PARP15: variants seen among roughly 807,000 people sequenced by gnomAD.
PARP15 encodes poly(ADP-ribose) polymerase family member 15, also known as protein mono-ADP-ribosyltransferase PARP15.
A neutral mutation model predicts 62.1 loss-of-function variants in PARP15; 50 were observed. The ratio of observed to expected loss-of-function variants is 0.81; its 90% CI spans 0.64 to 1.02. The LOEUF (loss-of-function observed/expected upper bound fraction) is 1.02. Ranked by LOEUF, PARP15 falls within the 50% of genes least tolerant of loss-of-function variation. PARP15 has a pLI of 0.00. For synonymous variants in PARP15, 309 were observed against 293.1 expected (o/e 1.05, Z -0.55); for missense variants, 820 against 826.5 (o/e 0.99, Z 0.10).
chr3:122,617,074 A>G lies in PARP15; in HGVS notation c.910A>G (p.Ile304Val). The part of the protein sequence containing the change: ...FTAYEMKIGA[I>V]TFQVATGDIA... ...AGCATATGAAATGAAAATCGGTGCAATTACTTTTCAGGTTGCTACTGGAGA... is the reference window on the plus strand; with the variant it reads ...AGCATATGAAATGAAAATCGGTGCAGTTACTTTTCAGGTTGCTACTGGAGA... Residue 304 changes from isoleucine (I) to valine (V), a missense_variant, in exon 6 of 12, where the codon ATT (isoleucine) becomes GTT (valine). Ile to Val is a conservative substitution (Grantham distance 29, BLOSUM62 3). This residue lies in a region of PARP15 where 731 missense variants were observed against 727.7 expected (regional missense o/e 1.00). Coordinates refer to ENST00000464300, the MANE Select transcript of PARP15 (RefSeq NM_001113523.3). 4 of 1,614,096 alleles carry G rather than the reference A, an allele frequency of 2.5e-6. No individual in the cohort carries two copies. Among genetic ancestry groups the G allele is most frequent in the East Asian group, 2.2e-5 (1 of 44,884 alleles).
At chr3:122,606,307 T>C (rs1935157995) in intron 2 of PARP15, among the ~76,000 whole-genome samples, 1 of 152,182 alleles carries the variant, frequency 6.6e-6, no homozygotes, top group Non-Finnish European at 1.5e-5. Context: ...TCTATCTCTT[T>C]TATTTCTCTG....
At chr3:122,616,967 T>C (rs1936014731) in intron 5 of PARP15, 48 bp from the exon 6 acceptor site, 1 of 1,596,066 alleles carries the variant, frequency 6.3e-7, no homozygotes, top group Non-Finnish European at 8.6e-7. Context: ...GTGCTGTTCC[T>C]CCAGAAGCTG....
At chr3:122,606,091 A>T (rs976829527) in intron 2 of PARP15, 36 bp downstream of exon 2, 1 of 1,539,438 alleles carries the variant, frequency 6.5e-7, no homozygotes, top group African/African-American at 1.4e-5. Flanking sequence ...ACCAAGGAAC[A>T]GTGGGATCTA....
At chr3:122,634,369 C>A (rs1304451716) in intron 10 of PARP15, among the ~76,000 whole-genome samples, 1 of 152,148 alleles carries the variant, frequency 6.6e-6, no homozygotes, top group Non-Finnish European at 1.5e-5. Context: ...AAACTTGATT[C>A]ATAGAGATGT....
At chr3:122,614,527 A>G (rs1177761789) in intron 4 of PARP15, among the ~76,000 whole-genome samples, 2 of 152,168 alleles carry the variant, frequency 1.3e-5, no homozygotes, top group Non-Finnish European at 2.9e-5. Context: ...TTACCCCCAA[A>G]GGTTCTTAGT....
At chr3:122,601,857 C>A (rs1173574652) in intron 1 of PARP15, among the ~76,000 whole-genome samples, 1 of 152,154 alleles carries the variant, frequency 6.6e-6, no homozygotes, top group African/African-American at 2.4e-5. Flanking sequence ...TGCCTGTCTT[C>A]CAAAGTGGCT....
chr3:122,619,937 G>T, intron 7 of PARP15, 94 bp downstream of exon 7: 1 of 1,207,542 alleles, frequency 8.3e-7, no homozygotes, highest in Non-Finnish European at 1.2e-6. Context: ...GGTGGAGTAA[G>T]TAGCGAGCAA....
intron 1 of PARP15, among the ~76,000 whole-genome samples, chr3:122,604,704 A>G (rs1362486953): frequency 2.0e-5 from 3 of 152,162 alleles, no homozygotes; most frequent in Admixed American, 2.0e-4. Context: ...TTGTAAAGAT[A>G]CAAAAAATTA....
In PARP15 at chr3:122,615,408, CA is replaced by C. The variant is rs1487479359; in HGVS notation, c.772-368del. ...TGTTGCCCTGCCCCCTGCTCACCTA[CA>C]AATACTCTACACTTCCCTCAGCCTA... On this transcript the variant is annotated intron_variant, in intron 4 of 11. Coordinates refer to ENST00000464300, the MANE Select transcript of PARP15 (RefSeq NM_001113523.3). 9 of 1,292,432 alleles carry C rather than the reference CA, an allele frequency of 7.0e-6. No individual in the cohort carries two copies. The Admixed American group carries it at 2.1e-4, about 30-fold the overall frequency. 80.1% of individuals were successfully genotyped at this position (1,292,432 alleles called of 1,614,324 possible). A position where few individuals can be genotyped will look rare whatever the true frequency, so the allele number is the denominator to read the frequency against.
Position 122,635,966 on chromosome 3 carries a change from C to G in PARP15, c.1903C>G (p.Pro635Ala). The G allele has an allele frequency of 6.2e-7, 1 of 1,614,098 alleles. No homozygotes were observed. Among genetic ancestry groups the G allele is most frequent in the Non-Finnish European group, 8.5e-7 (1 of 1,180,004 alleles). ...FTKGRAGLVT[P>A]PPKNPHNPTD... ...AAAGGGACGTGCAGGATTAGTCACC[C>G]CTCCACCCAAGAATCCTCACAATCC... The change falls in exon 12 of 12, where the codon CCT becomes GCT. Residue 635 changes from proline to alanine, a missense_variant. Around this residue, in one of 3 missense-constraint regions of PARP15, gnomAD observed 84 missense variants for 79.7 expected, o/e 1.05. Transcript: ENST00000464300.
intron 3 of PARP15, among the ~76,000 whole-genome samples, chr3:122,612,494 T>G (rs1935640587): frequency 6.6e-6 from 1 of 152,036 alleles, no homozygotes; most frequent in Non-Finnish European, 1.5e-5. Context: ...TGGAGTACAG[T>G]GGCGCAATCT....
chr3:122,598,140 A>C (rs1163722152), intron 1 of PARP15, among the ~76,000 whole-genome samples: 2 of 152,190 alleles, frequency 1.3e-5, no homozygotes, highest in African/African-American at 4.8e-5. Flanking sequence ...TTTGCTAAAA[A>C]GGATTAGGGG....
intron 1 of PARP15, among the ~76,000 whole-genome samples, chr3:122,584,483 T>C (rs1361874893): frequency 6.6e-6 from 1 of 151,998 alleles, no homozygotes; most frequent in Non-Finnish European, 1.5e-5. Flanking sequence ...AATGAAAAAA[T>C]ACCTACAAAG....
intron 9 of PARP15, among the ~76,000 whole-genome samples, chr3:122,630,393 T>C (rs886655846): frequency 7.2e-5 from 11 of 152,146 alleles, no homozygotes; most frequent in African/African-American, 2.4e-4. Context: ...CTTATTAATA[T>C]ACAAATACCA....
intron 1 of PARP15, among the ~76,000 whole-genome samples, chr3:122,582,480 A>G (rs975541472): frequency 6.6e-6 from 1 of 152,216 alleles, no homozygotes; most frequent in Non-Finnish European, 1.5e-5. Context: ...CCCAGCATGA[A>G]TGACATTTTC....
chr3:122,596,389 G>A (rs894262511), intron 1 of PARP15, among the ~76,000 whole-genome samples: 43 of 119,734 alleles, frequency 3.6e-4, no homozygotes, highest in Non-Finnish European at 1.7e-4. Context: ...AAGCATAAAC[G>A]TAACATGTCC....
intron 1 of PARP15, among the ~76,000 whole-genome samples, chr3:122,595,790 C>T (rs1287558784): frequency 6.6e-6 from 1 of 152,202 alleles, no homozygotes; most frequent in Non-Finnish European, 1.5e-5. Context: ...GCCTTGGCCT[C>T]CCAAAGTGTT....
At chr3:122,578,216 T>C (rs1279831187) in intron 1 of PARP15, among the ~76,000 whole-genome samples, 7 of 152,102 alleles carry the variant, frequency 4.6e-5, no homozygotes, top group Non-Finnish European at 5.9e-5. Flanking sequence ...GCAAATATTT[T>C]AAATTTTGTG....
chr3:122,617,768 G>A (rs529676822), intron 6 of PARP15, among the ~76,000 whole-genome samples: 5 of 152,240 alleles, frequency 3.3e-5, no homozygotes, highest in South Asian at 2.1e-4. Context: ...TCACTCTGTC[G>A]CCCAGGCTGG....
Sources: allele counts gnomAD v4.1 joint callset (sites outside exome capture counted in the v4.1 genomes callset), GRCh38; gene constraint gnomAD v4.1.1; regional missense constraint gnomAD v4.1.1; transcripts MANE v1.5; gene names NCBI Gene and HGNC (gene_info 2026-07-23, HGNC 2026-07-21).